MYO3B: variants seen among roughly 807,000 people sequenced by gnomAD.
The protein encoded by MYO3B is myosin IIIB, also known as myosin-IIIb.
Under a neutral mutation model 174.6 loss-of-function variants are expected in MYO3B, and 156 were observed. That is an observed-to-expected ratio of 0.89 (90% CI 0.78 to 1.02). MYO3B has a LOEUF of 1.02. Among genes scored for constraint, MYO3B ranks in the 50% least tolerant of loss-of-function variants. The probability of loss-of-function intolerance (pLI) is 0.00; values close to 1 mark genes in which losing one functional copy is unlikely to be tolerated. For synonymous variants in MYO3B, 563 were observed against 569.1 expected (o/e 0.99, Z 0.15); for missense variants, 1,632 against 1,639.4 (o/e 1.00, Z 0.08).
chr2:170,445,214 G>A (rs2094831643), intron 23 of MYO3B, among the ~76,000 whole-genome samples: 1 of 152,118 alleles, frequency 6.6e-6, no homozygotes, highest in African/African-American at 2.4e-5. Context: ...TGCAGCATTT[G>A]TGTCATTGAA....
In MYO3B at chr2:170,632,756, AAG is replaced by A. The variant is rs1250311724; in HGVS notation, c.3734-18866_3734-18865del. On this transcript the variant is annotated intron_variant, in intron 32 of 34. Transcript: ENST00000408978. The stretch of plus-strand genomic sequence containing the variant: ...TGCTAGCAAGACTAATAAAGAAGAA[AAG>A]AGAGAAGAATCAAATAGACATAATA... Among the ~76,000 whole-genome samples the A allele has an allele frequency of 1.7e-4, 26 of 152,302 alleles. No homozygotes were observed. The East Asian group carries it at 4.4e-3, about 26-fold the overall frequency.
At chr2:170,326,323 A>AT (rs35451844) in intron 7 of MYO3B, among the ~76,000 whole-genome samples, 4 of 152,194 alleles carry the variant, frequency 2.6e-5, no homozygotes, top group East Asian at 1.9e-4. Flanking sequence ...TAAAATAATA[A>AT]TTTTTTTAAA....
intron 8 of MYO3B, among the ~76,000 whole-genome samples, chr2:170,356,851 C>T (rs1336379401): frequency 2.6e-5 from 4 of 152,104 alleles, no homozygotes; most frequent in Non-Finnish European, 5.9e-5. Flanking sequence ...AATCATGGCT[C>T]ACTGCAGCCT....
intron 32 of MYO3B, among the ~76,000 whole-genome samples, chr2:170,606,267 A>C (rs1482137597): frequency 6.6e-6 from 1 of 151,780 alleles, no homozygotes; most frequent in Non-Finnish European, 1.5e-5. Flanking sequence ...ACATGTCCAT[A>C]CTCCATTTCT....
intron 6 of MYO3B, among the ~76,000 whole-genome samples, chr2:170,219,354 A>T (rs2092866206): frequency 6.6e-6 from 1 of 152,156 alleles, no homozygotes; most frequent in African/African-American, 2.4e-5. Flanking sequence ...CAAAAAAATT[A>T]TCTGTTGGGT....
At chr2:170,597,173 G>A (rs923229002) in intron 32 of MYO3B, among the ~76,000 whole-genome samples, 1 of 151,882 alleles carries the variant, frequency 6.6e-6, no homozygotes, top group Non-Finnish European at 1.5e-5. Flanking sequence ...TGCCTCGAGA[G>A]CAGCCTGGCC....
intron 25 of MYO3B, among the ~76,000 whole-genome samples, chr2:170,490,806 G>A (rs947643032): frequency 2.6e-5 from 4 of 151,744 alleles, no homozygotes; most frequent in African/African-American, 2.4e-5. Context: ...TCATTTATTA[G>A]GATCATATGC....
At position 170,500,123 on chromosome 2, in the gene MYO3B, G is replaced by A. The variant is rs144953067; in HGVS notation, c.3289+315G>A. Among the ~76,000 whole-genome samples the A allele has an allele frequency of 2.3e-3, 344 of 152,244 alleles. 2 individuals carry two copies. Among genetic ancestry groups the A allele is most frequent in the African/African-American group, 8.1e-3 (335 of 41,550 alleles). On this transcript the variant is annotated intron_variant, in intron 27 of 34. Coordinates refer to ENST00000408978, the MANE Select transcript of MYO3B (RefSeq NM_138995.5). The stretch of plus-strand genomic sequence containing the variant: ...GTGTCCTGAAGATTTGATAATTTGA[G>A]TCTATAAAACAAACTGAGAAAGACA...
At chr2:170,419,861 C>T (rs1200005404) in intron 22 of MYO3B, among the ~76,000 whole-genome samples, 3 of 152,064 alleles carry the variant, frequency 2.0e-5, no homozygotes, top group Non-Finnish European at 4.4e-5. Flanking sequence ...GAAAAAGCTG[C>T]GAATTGATGT....
chr2:170,643,942 C>T (rs1308261383), intron 32 of MYO3B: 1 of 152,224 alleles, frequency 6.6e-6, no homozygotes. Context: ...AGAACTGGCA[C>T]ATCTGTAGCA....
chr2:170,502,081 A>G (rs939835818), intron 28 of MYO3B, among the ~76,000 whole-genome samples: 3 of 152,176 alleles, frequency 2.0e-5, no homozygotes, highest in African/African-American at 7.2e-5. Context: ...TTGGCTAAGG[A>G]TGCTCTGACT....
At chr2:170,409,950 T>C (rs901523050) in intron 22 of MYO3B, among the ~76,000 whole-genome samples, 56 of 152,338 alleles carry the variant, frequency 3.7e-4, no homozygotes, top group African/African-American at 1.3e-3. Context: ...CCTTTGAAGA[T>C]GGGAAACCTC....
intron 32 of MYO3B, among the ~76,000 whole-genome samples, chr2:170,551,538 CAAAAAAAAAAAAAAAAAA>C (rs3072763): frequency 0.023 from 1,304 of 56,286 alleles, 29 homozygotes; most frequent in African/African-American, 0.076. Flanking sequence ...TGACTTTTTG[CAAAAAAAAAAAAAAAAAA>C]AAAAAAAAAA....
chr2:170,215,866 G>A, intron 5 of MYO3B, among the ~76,000 whole-genome samples: 1 of 152,210 alleles, frequency 6.6e-6, no homozygotes, highest in East Asian at 1.9e-4. Flanking sequence ...CAGACTGAAA[G>A]GATGAGGATG....
chr2:170,581,238 G>A (rs1417368609), intron 32 of MYO3B, among the ~76,000 whole-genome samples: 2 of 152,068 alleles, frequency 1.3e-5, no homozygotes, highest in Admixed American at 6.5e-5. Context: ...ATGACATATC[G>A]CTTTTTTTGC....
intron 8 of MYO3B, among the ~76,000 whole-genome samples, chr2:170,347,199 T>A (rs969669368): frequency 1.3e-5 from 2 of 152,194 alleles, no homozygotes; most frequent in Admixed American, 1.3e-4. Context: ...CTGTCAGATG[T>A]TGTGCATCTG....
intron 7 of MYO3B, among the ~76,000 whole-genome samples, chr2:170,309,813 C>T (rs188309554): frequency 1.5e-3 from 233 of 152,088 alleles, no homozygotes; most frequent in Non-Finnish European, 1.8e-3. Flanking sequence ...AATTTAGTGA[C>T]GTTTAGTACA....
rs1418637371 is a variant in MYO3B at position 170,200,292 on chromosome 2, G to A, written c.321+8G>A. ...CTGTGGCTGGTCCTGGAGGTAAGAG[G>A]CTCCCATTGGGTAACCAGTGATTTG... On this transcript the variant is annotated splice_region_variant and intron_variant, in intron 3 of 34. Transcript: ENST00000408978. 2.7e-5 allele frequency: 44 copies of A among 1,607,628 alleles called. No homozygotes were observed. In the Admixed American group the frequency reaches 7.5e-4, roughly 27 times the overall value.
chr2:170,343,600 G>T (rs1416581997), intron 8 of MYO3B: 1 of 152,256 alleles, frequency 6.6e-6, no homozygotes, highest in Non-Finnish European at 1.5e-5. Flanking sequence ...TGGGTGTCTG[G>T]ACACTGAGAG....
Sources: allele counts gnomAD v4.1 joint callset (sites outside exome capture counted in the v4.1 genomes callset), GRCh38; gene constraint gnomAD v4.1.1; transcripts MANE v1.5; gene names NCBI Gene and HGNC (gene_info 2026-07-23, HGNC 2026-07-21).